The following PTPRD variants were observed in gnomAD, a reference collection of about 807,000 sequenced individuals.
PTPRD encodes receptor-type tyrosine-protein phosphatase delta.
Under a neutral mutation model 214.5 loss-of-function variants are expected in PTPRD, and 34 were observed. The ratio of observed to expected loss-of-function variants is 0.16; its 90% CI spans 0.12 to 0.21. The LOEUF is 0.21. Ranked by LOEUF, PTPRD falls within the 10% of genes least tolerant of loss-of-function variation. The pLI is 1.00. For synonymous variants in PTPRD, 1,128 were observed against 845.7 expected, an observed-to-expected ratio of 1.33 and a Z score of -5.79; for missense variants, 2,545 against 2,398.7, an observed-to-expected ratio of 1.06 and a Z score of -1.27.
chr9:9,247,253 C>A (rs2099973468), intron 9 of PTPRD, among the ~76,000 whole-genome samples: 1 of 152,014 alleles, frequency 6.6e-6, no homozygotes, highest in African/African-American at 2.4e-5. Flanking sequence ...CAAGAAGAAC[C>A]TGCACAGACA....
intron 8 of PTPRD, among the ~76,000 whole-genome samples, chr9:9,568,637 G>A (rs118063074): frequency 8.8e-4 from 133 of 151,960 alleles, no homozygotes; most frequent in Non-Finnish European, 1.7e-3. Flanking sequence ...TTTCCTACAT[G>A]CTTTCCTCTA....
At chr9:9,303,351 A>C (rs1293648550) in intron 9 of PTPRD, among the ~76,000 whole-genome samples, 3 of 152,056 alleles carry the variant, frequency 2.0e-5, no homozygotes, top group Admixed American at 1.3e-4. Flanking sequence ...TATGGGGAAT[A>C]TGACAAATTT....
chr9:9,598,402 C>T (rs2093518900), intron 7 of PTPRD, among the ~76,000 whole-genome samples: 1 of 151,892 alleles, frequency 6.6e-6, no homozygotes. Flanking sequence ...TCTCTCTATC[C>T]TGAGCTCATT....
intron 7 of PTPRD, among the ~76,000 whole-genome samples, chr9:9,577,530 TC>T (rs1192086432): frequency 6.6e-6 from 1 of 151,412 alleles, no homozygotes; most frequent in Non-Finnish European, 1.5e-5. Flanking sequence ...TGCCACTGCA[TC>T]CAGCCTGGGG....
intron 36 of PTPRD, among the ~76,000 whole-genome samples, chr9:8,400,868 G>T (rs2092280005): frequency 6.6e-6 from 1 of 152,106 alleles, no homozygotes; most frequent in Non-Finnish European, 1.5e-5. Context: ...AACGGATAAG[G>T]AAACTACATA....
chr9:9,446,674 TTAAAC>T, intron 8 of PTPRD, among the ~76,000 whole-genome samples: 1 of 152,238 alleles, frequency 6.6e-6, no homozygotes, highest in African/African-American at 2.4e-5. Context: ...TGGGATCTAA[TTAAAC>T]TAAAGAGCTT....
intron 11 of PTPRD, among the ~76,000 whole-genome samples, chr9:8,759,705 C>G (rs1450546506): frequency 6.7e-6 from 1 of 149,664 alleles, no homozygotes; most frequent in Admixed American, 6.7e-5. Context: ...TCATGACTTT[C>G]TGCTCTTTCA....
At chr9:8,513,573 A>G (rs1000540009) in intron 21 of PTPRD, among the ~76,000 whole-genome samples, 10 of 152,140 alleles carry the variant, frequency 6.6e-5, no homozygotes, top group African/African-American at 2.4e-4. Flanking sequence ...CAATTCCTAC[A>G]TATTATTGAT....
chr9:10,151,887 T>C (rs1480779986), intron 3 of PTPRD, among the ~76,000 whole-genome samples: 1 of 152,226 alleles, frequency 6.6e-6, no homozygotes, highest in Non-Finnish European at 1.5e-5. Context: ...GTTGTGTGTA[T>C]CAATAATTTG....
intron 39 of PTPRD, among the ~76,000 whole-genome samples, chr9:8,375,651 A>G (rs1300216027): frequency 6.6e-6 from 1 of 152,026 alleles, no homozygotes; most frequent in African/African-American, 2.4e-5. Flanking sequence ...TTTTTGTTTT[A>G]CATATTTATA....
At chr9:9,789,776 A>G (rs1308348231) in intron 5 of PTPRD, among the ~76,000 whole-genome samples, 3 of 108,164 alleles carry the variant, frequency 2.8e-5, no homozygotes, top group Admixed American at 1.2e-4. Flanking sequence ...CAGCCTGGGC[A>G]ACAGAGCCAA....
chr9:9,953,071 C>A (rs191755653), intron 4 of PTPRD, among the ~76,000 whole-genome samples: 1 of 152,046 alleles, frequency 6.6e-6, no homozygotes, highest in Non-Finnish European at 1.5e-5. Flanking sequence ...TTGAAAAATG[C>A]AAAAGGTGGT....
At chr9:9,873,273 T>G (rs192126249) in intron 5 of PTPRD, among the ~76,000 whole-genome samples, 20 of 152,286 alleles carry the variant, frequency 1.3e-4, no homozygotes, top group African/African-American at 4.8e-4. Flanking sequence ...TTTTGAGCTC[T>G]CTGCTTTCAG....
chr9:9,184,412 A>G (rs1171772931), intron 9 of PTPRD, among the ~76,000 whole-genome samples: 1 of 152,010 alleles, frequency 6.6e-6, no homozygotes, highest in Admixed American at 6.6e-5. Flanking sequence ...TATAGGTTAA[A>G]TCCCTAAGGA....
At chr9:9,668,560 A>G (rs1352470655) in intron 7 of PTPRD, among the ~76,000 whole-genome samples, 1 of 152,186 alleles carries the variant, frequency 6.6e-6, no homozygotes, top group Non-Finnish European at 1.5e-5. Context: ...TGAAATTATA[A>G]ACTAACTCTT....
chr9:8,425,895 A>G (rs1413891942), intron 35 of PTPRD, among the ~76,000 whole-genome samples: 1 of 152,080 alleles, frequency 6.6e-6, no homozygotes, highest in African/African-American at 2.4e-5. Context: ...CCTTTTTTTG[A>G]TATTTTAATG....
chr9:9,576,115 C>T (rs2088668595), intron 7 of PTPRD, among the ~76,000 whole-genome samples: 1 of 152,030 alleles, frequency 6.6e-6, no homozygotes, highest in African/African-American at 2.4e-5. Flanking sequence ...ATTGTTGGTA[C>T]TGTTTTGGGA....
chr9:8,828,116 T>C (rs981343969), intron 11 of PTPRD, among the ~76,000 whole-genome samples: 3 of 152,198 alleles, frequency 2.0e-5, no homozygotes, highest in Admixed American at 6.5e-5. Context: ...GCAATGATTA[T>C]GAAGTACACA....
At chr9:9,710,098 T>G (rs570683475) in intron 7 of PTPRD, among the ~76,000 whole-genome samples, 1 of 152,114 alleles carries the variant, frequency 6.6e-6, no homozygotes, top group Non-Finnish European at 1.5e-5. Flanking sequence ...AATGCCATTT[T>G]GCTAAGCAAA....
Sources: gnomAD v4.1 joint callset for allele counts (sites outside exome capture counted in the v4.1 genomes callset) on GRCh38, gnomAD v4.1.1 for gene constraint, MANE v1.5 for transcripts, NCBI Gene and HGNC (gene_info 2026-07-23, HGNC 2026-07-21) for gene names.